USP14: variants seen among roughly 807,000 people sequenced by gnomAD.
USP14 encodes ubiquitin specific peptidase 14, also known as ubiquitin carboxyl-terminal hydrolase 14.
A neutral mutation model predicts 76.5 loss-of-function variants in USP14; 38 were observed. That is an observed-to-expected ratio of 0.50 (90% CI 0.38 to 0.65). The LOEUF is 0.65. Ranked by LOEUF, USP14 falls within the 30% of genes least tolerant of loss-of-function variation. The pLI, the probability that USP14 is intolerant of heterozygous loss-of-function variation, is 0.00. For missense variants in USP14, 467 were observed against 586.5 expected, an observed-to-expected ratio of 0.80 and a Z score of 2.10; for synonymous variants, 192 against 191.7, an observed-to-expected ratio of 1.00 and a Z score of -0.01.
intron 1 of USP14, among the ~76,000 whole-genome samples, chr18:162,802 C>CTT (rs562971458): frequency 2.6e-4 from 38 of 144,974 alleles, no homozygotes; most frequent in Admixed American, 1.0e-3. Context: ...GTCTCAGTTT[C>CTT]TTTTTTTTTT....
At chr18:161,973 CCT>C (rs1439917302) in intron 1 of USP14, among the ~76,000 whole-genome samples, 1 of 152,164 alleles carries the variant, frequency 6.6e-6, no homozygotes, top group African/African-American at 2.4e-5. Flanking sequence ...TCATTCACAT[CCT>C]CTTGCAAACA....
At chr18:205,238 A>G (rs1040538971) in intron 13 of USP14, among the ~76,000 whole-genome samples, 3 of 152,190 alleles carry the variant, frequency 2.0e-5, no homozygotes, top group African/African-American at 7.2e-5. Flanking sequence ...CCTTTGTGGT[A>G]GAATAAGCTT....
chr18:173,264 C>T (rs879389352), intron 3 of USP14, among the ~76,000 whole-genome samples: 5 of 151,854 alleles, frequency 3.3e-5, no homozygotes, highest in Admixed American at 2.6e-4. Flanking sequence ...CCTGCCACCA[C>T]ACCCGGCTAT....
At position 213,771 on chromosome 18, in the gene USP14, TCTG is replaced by T. The variant is rs2143118112; in HGVS notation, c.*2490_*2492del. On this transcript the variant is annotated 3_prime_UTR_variant, in exon 16 of 16. Coordinates refer to ENST00000261601, the MANE Select transcript of USP14 (RefSeq NM_005151.4). ...ACAAGAAAAGTCGGTGGTACTGTCT[TCTG>T]CTACTACTACTTAGTGCTTTGCTGT... is the stretch of plus-strand genomic sequence containing the variant. 6.6e-6 allele frequency: 1 copy of T among 152,384 alleles called. No homozygotes were observed. The highest frequency in any genetic ancestry group is 2.1e-4 in the South Asian group (1 of 4,830). The allele number at this position is 152,384 out of a possible 1,614,324, so 9.4% of individuals were successfully genotyped here. A position where few individuals can be genotyped will look rare whatever the true frequency, so the allele number is the denominator to read the frequency against.
chr18:204,814 ATT>A lies in USP14; in HGVS notation c.1164+124_1164+125del, dbSNP rs796683212. ...TCAGAACTATACTTTGTATAGTATT[ATT>A]TGGATCAATCTGTATTACAATTAGC... On this transcript the variant is annotated intron_variant, in intron 13 of 15. Transcript: ENST00000261601. 1,774 of 1,061,574 alleles carry A rather than the reference ATT, an allele frequency of 1.7e-3. 18 individuals carry two copies. In the African/African-American group the frequency reaches 0.033, roughly 20 times the overall value. 65.8% of individuals were successfully genotyped at this position (1,061,574 alleles called of 1,614,324 possible).
At chr18:201,921 A>T (rs930827197) in intron 10 of USP14, among the ~76,000 whole-genome samples, 29 of 152,064 alleles carry the variant, frequency 1.9e-4, no homozygotes, top group Admixed American at 1.8e-3. Context: ...ATAATTCTTG[A>T]GTAATTTGGC....
At chr18:166,842 T>G (rs1268812870) in intron 3 of USP14, 23 bp downstream of exon 3, 1 of 1,603,818 alleles carries the variant, frequency 6.2e-7, no homozygotes, top group African/African-American at 1.3e-5. Flanking sequence ...TTATGAACGT[T>G]TATTATAATG....
chr18:163,564 T>A, intron 2 of USP14, 111 bp downstream of exon 2: 1 of 1,227,850 alleles, frequency 8.1e-7, no homozygotes, highest in Non-Finnish European at 1.1e-6. Context: ...TTTTTTTATA[T>A]GATGAGAGTA....
intron 10 of USP14, among the ~76,000 whole-genome samples, chr18:201,104 A>T (rs1249738273): frequency 6.6e-6 from 1 of 152,226 alleles, no homozygotes; most frequent in African/African-American, 2.4e-5. Context: ...CCCAGCCAGG[A>T]TTATTTATTT....
intron 10 of USP14, among the ~76,000 whole-genome samples, chr18:200,841 A>G (rs1242550197): frequency 6.6e-6 from 1 of 152,036 alleles, no homozygotes; most frequent in East Asian, 1.9e-4. Context: ...TCTCTCTGTC[A>G]CCCAAGCTGG....
chr18:160,154 A>G (rs2144201764), intron 1 of USP14, among the ~76,000 whole-genome samples: 1 of 152,242 alleles, frequency 6.6e-6, no homozygotes, highest in African/African-American at 2.4e-5. Flanking sequence ...AATACAAAAA[A>G]TCAGTCGAGA....
In USP14 at chr18:202,863, G is replaced by A; in HGVS notation, c.877-17G>A. 1 of 1,613,768 alleles carries A rather than the reference G, an allele frequency of 6.2e-7. No individual in the cohort carries two copies. The highest frequency in any genetic ancestry group is 8.5e-7 in the Non-Finnish European group (1 of 1,179,832). On this transcript the variant is annotated splice_polypyrimidine_tract_variant and intron_variant, in intron 10 of 15. Coordinates refer to ENST00000261601, the MANE Select transcript of USP14 (RefSeq NM_005151.4). ...TTTTAAAACTAATGTTTGGTCTTCT[G>A]TTATGTTCTTTCTTAGCGACTTCAG...
At chr18:205,900 T>A (rs1050553092) in intron 13 of USP14, among the ~76,000 whole-genome samples, 1 of 152,238 alleles carries the variant, frequency 6.6e-6, no homozygotes, top group Non-Finnish European at 1.5e-5. Flanking sequence ...GCTCCTTCCA[T>A]TTCATTGCTG....
intron 5 of USP14, among the ~76,000 whole-genome samples, chr18:189,716 C>G (rs776732794): frequency 1.3e-5 from 2 of 152,064 alleles, no homozygotes; most frequent in African/African-American, 2.4e-5. Flanking sequence ...CTCTTGACCT[C>G]GTGATCCACC....
At chr18:201,612 C>A (rs1388520774) in intron 10 of USP14, among the ~76,000 whole-genome samples, 2 of 152,124 alleles carry the variant, frequency 1.3e-5, no homozygotes. Context: ...AACTTCTTAA[C>A]CCCCAGGAGC....
chr18:177,414 C>A (rs1415061932), intron 3 of USP14, among the ~76,000 whole-genome samples: 1 of 146,530 alleles, frequency 6.8e-6, no homozygotes, highest in Admixed American at 6.8e-5. Flanking sequence ...AGAGTGAGTC[C>A]CTGTCTCTAA....
intron 10 of USP14, 103 bp downstream of exon 10, chr18:199,419 G>T: frequency 1.3e-6 from 1 of 780,180 alleles, no homozygotes; most frequent in Non-Finnish European, 2.1e-6. Context: ...GTAGACATGT[G>T]CAGAGCAATA....
At chr18:178,548 T>C (rs1341420635) in intron 3 of USP14, among the ~76,000 whole-genome samples, 6 of 152,226 alleles carry the variant, frequency 3.9e-5, no homozygotes, top group South Asian at 2.1e-4. Flanking sequence ...ATGTAACCAC[T>C]ACCACAATCA....
At chr18:198,306 T>G (rs1243651776) in intron 9 of USP14, among the ~76,000 whole-genome samples, 174 bp downstream of exon 9, 1 of 152,180 alleles carries the variant, frequency 6.6e-6, no homozygotes, top group Admixed American at 6.5e-5. Context: ...GGTGTGATCT[T>G]GACTCACTGC....
Sources: allele counts gnomAD v4.1 joint callset (sites outside exome capture counted in the v4.1 genomes callset), GRCh38; gene constraint gnomAD v4.1.1; transcripts MANE v1.5; gene names NCBI Gene and HGNC (gene_info 2026-07-23, HGNC 2026-07-21).